The following TNFRSF8 variants were observed in gnomAD, a reference collection of about 807,000 sequenced individuals.
The protein encoded by TNFRSF8 is TNF receptor superfamily member 8.
TNFRSF8 carries 26 observed loss-of-function variants against 70.8 expected under a neutral mutation model. That is an observed-to-expected ratio of 0.37 (90% confidence interval 0.27 to 0.51). The LOEUF (loss-of-function observed/expected upper bound fraction) is 0.51. Among genes scored for constraint, TNFRSF8 ranks in the 20% least tolerant of loss-of-function variants. TNFRSF8 has a pLI of 0.94. For missense variants in TNFRSF8, 720 were observed against 807.9 expected (o/e 0.89, Z 1.32); for synonymous variants, 356 against 339.2 (o/e 1.05, Z -0.54).
At chr1:12,127,458 C>T (rs1188505052) in intron 12 of TNFRSF8, among the ~76,000 whole-genome samples, 1 of 152,246 alleles carries the variant, frequency 6.6e-6, no homozygotes, top group Non-Finnish European at 1.5e-5. Context: ...TCCCCTCTTC[C>T]TTCCCCCTGC....
At chr1:12,100,626 G>A (rs1473977186) in intron 3 of TNFRSF8, among the ~76,000 whole-genome samples, 1 of 152,084 alleles carries the variant, frequency 6.6e-6, no homozygotes, top group Non-Finnish European at 1.5e-5. Flanking sequence ...CCTACACAGA[G>A]TCAGGATCAT....
intron 1 of TNFRSF8, among the ~76,000 whole-genome samples, chr1:12,076,082 T>G (rs1007801122): frequency 4.1e-5 from 5 of 122,870 alleles, no homozygotes; most frequent in Non-Finnish European, 8.5e-5. Context: ...TTCTTGGTTT[T>G]ATTCTTTTTT....
intron 1 of TNFRSF8, among the ~76,000 whole-genome samples, chr1:12,067,860 A>G (rs1640768715): frequency 8.2e-6 from 1 of 122,008 alleles, no homozygotes; most frequent in Non-Finnish European, 1.6e-5. Context: ...GGACATTTCC[A>G]GGGCTGCTCA....
At chr1:12,127,637 C>T (rs574995424) in intron 12 of TNFRSF8, among the ~76,000 whole-genome samples, 72 of 152,328 alleles carry the variant, frequency 4.7e-4, no homozygotes, top group Non-Finnish European at 7.6e-4. Flanking sequence ...TTGAATTTGA[C>T]GAGTTTCACA....
Position 12,138,330 on chromosome 1 carries a change from C to A in TNFRSF8, c.1437C>A (p.Tyr479Ter). Residue 479 changes from tyrosine to a stop codon, truncating the protein, a stop_gained, in exon 14 of 15, where the codon TAC (tyrosine) becomes TAA (stop). Transcript: ENST00000263932. LOFTEE classifies it high-confidence loss of function. The surrounding 1 kb of genome is among the most constrained non-coding windows in gnomAD (Gnocchi z 5.7). Reference sequence around the variant, plus strand: ...CCTGCCACAGCGTGGGGGCAGCCTACCTGGAGAGCCTGCCGCTGCAGGATG... The same window carrying A: ...CCTGCCACAGCGTGGGGGCAGCCTAACTGGAGAGCCTGCCGCTGCAGGATG... ...METCHSVGAA[Y>*]LESLPLQDAS... 1 of 1,613,738 alleles carries A rather than the reference C, an allele frequency of 6.2e-7. No individual in the cohort carries two copies. Among genetic ancestry groups the A allele is most frequent in the Non-Finnish European group, 8.5e-7 (1 of 1,179,948 alleles).
At chr1:12,120,002 T>C (rs1040734843) in intron 8 of TNFRSF8, among the ~76,000 whole-genome samples, 1 of 152,168 alleles carries the variant, frequency 6.6e-6, no homozygotes, top group African/African-American at 2.4e-5. Flanking sequence ...GTACTTCCAC[T>C]GGAAGACACC....
intron 1 of TNFRSF8, chr1:12,077,893 C>T (rs1159724031): frequency 6.6e-6 from 1 of 151,300 alleles, no homozygotes; most frequent in Non-Finnish European, 1.5e-5. Context: ...AAATATGGAC[C>T]GTTTCATGAA....
intron 3 of TNFRSF8, among the ~76,000 whole-genome samples, chr1:12,099,828 A>T (rs1641388970): frequency 6.6e-6 from 1 of 152,074 alleles, no homozygotes; most frequent in South Asian, 2.1e-4. Context: ...GGCAGCTGTG[A>T]CACAATGTGA....
chr1:12,084,695 T>C (rs917994708), intron 2 of TNFRSF8, 144 bp downstream of exon 2: 25 of 768,362 alleles, frequency 3.3e-5, no homozygotes, highest in Non-Finnish European at 5.0e-5. Flanking sequence ...ATTCCTAGTG[T>C]CGCGGAGTCC....
In TNFRSF8 at chr1:12,112,058, A is replaced by G; in HGVS notation, c.793+44A>G. ...CCCGGGCCTCAGTTTACCTCTCTGC[A>G]TTTTTGAACCGTGAACTTCCAGTAA... On this transcript the variant is annotated intron_variant, in intron 7 of 14. Coordinates refer to ENST00000263932, the MANE Select transcript of TNFRSF8 (RefSeq NM_001243.5). This position sits in a 1 kb window ranked among gnomAD's most constrained non-coding sequence, Gnocchi z 5.3. 6.8e-7 allele frequency: 1 copy of G among 1,473,046 alleles called. No individual in the cohort carries two copies. Among genetic ancestry groups the G allele is most frequent in the African/African-American group, 1.4e-5 (1 of 71,540 alleles). 91.2% of individuals were successfully genotyped at this position (1,473,046 alleles called of 1,614,324 possible). A position where few individuals can be genotyped will look rare whatever the true frequency, so the allele number is the denominator to read the frequency against.
At chr1:12,081,020 G>A (rs193057013) in intron 1 of TNFRSF8, among the ~76,000 whole-genome samples, 1 of 152,304 alleles carries the variant, frequency 6.6e-6, no homozygotes. Flanking sequence ...GTAACATGGG[G>A]TAGTGATCTG....
In TNFRSF8 at chr1:12,141,916, G is replaced by T. The variant is rs1642260404; in HGVS notation, c.1544-371G>T. Among the ~76,000 whole-genome samples the T allele has an allele frequency of 6.6e-6, 1 of 152,164 alleles. No homozygotes were observed. Among genetic ancestry groups the T allele is most frequent in the Non-Finnish European group, 1.5e-5 (1 of 68,014 alleles). On this transcript the variant is annotated intron_variant, in intron 14 of 14. Coordinates refer to ENST00000263932, the MANE Select transcript of TNFRSF8 (RefSeq NM_001243.5). The surrounding 1 kb of genome is among the most constrained non-coding windows in gnomAD (Gnocchi z 5.4). ...GCAGGAGGGCTGGGGACCCAGGAGT[G>T]GGGGTGTGGAAACTGCTCAGCTCTG...
At chr1:12,064,699 G>A (rs931180524) in intron 1 of TNFRSF8, among the ~76,000 whole-genome samples, 1 of 152,166 alleles carries the variant, frequency 6.6e-6, no homozygotes, top group African/African-American at 2.4e-5. Context: ...TAGGCAGGAG[G>A]GAGGAACTAT....
chr1:12,070,146 G>T (rs1367398308), intron 1 of TNFRSF8, among the ~76,000 whole-genome samples: 1 of 27,576 alleles, frequency 3.6e-5, no homozygotes, highest in Non-Finnish European at 6.4e-5. Flanking sequence ...TGTCTGCTGT[G>T]GGGGGCTGGG....
Position 12,144,010 on chromosome 1 carries a change from G to A in TNFRSF8, c.*1479G>A, listed in dbSNP as rs183161978. The A allele has an allele frequency of 1.1e-4, 17 of 152,386 alleles. No individual in the cohort carries two copies. The East Asian group carries it at 3.1e-3, about 28-fold the overall frequency. 9.4% of individuals were successfully genotyped at this position (152,386 alleles called of 1,614,324 possible). A position where few individuals can be genotyped will look rare whatever the true frequency, so the allele number is the denominator to read the frequency against. ...GTTTGCCCAGTGTTTGTGCAAGGAT[G>A]GAGTGGGTGTCTCTGCATCACCCAC... On this transcript the variant is annotated 3_prime_UTR_variant, in exon 15 of 15. Transcript: ENST00000263932.
At chr1:12,066,516 G>C (rs975680422) in intron 1 of TNFRSF8, among the ~76,000 whole-genome samples, 1 of 152,012 alleles carries the variant, frequency 6.6e-6, no homozygotes. Context: ...ATCATGCCTG[G>C]CTAATTTTTG....
intron 2 of TNFRSF8, among the ~76,000 whole-genome samples, chr1:12,096,736 T>C (rs1190492663): frequency 6.6e-6 from 1 of 152,066 alleles, no homozygotes; most frequent in Non-Finnish European, 1.5e-5. Flanking sequence ...CACTAGGAGG[T>C]GGGTCCTATT....
At chr1:12,064,242 T>A (rs893377126) in intron 1 of TNFRSF8, among the ~76,000 whole-genome samples, 2 of 152,154 alleles carry the variant, frequency 1.3e-5, no homozygotes, top group African/African-American at 4.8e-5. Context: ...TTGAATTCGC[T>A]GGAGCACGTG....
chr1:12,064,067 C>T (rs1365999824), intron 1 of TNFRSF8, among the ~76,000 whole-genome samples: 2 of 152,192 alleles, frequency 1.3e-5, no homozygotes, highest in African/African-American at 4.8e-5. Flanking sequence ...CGTCCGCGCT[C>T]TACCCTGTTG....
Sources: allele counts gnomAD v4.1 joint callset (sites outside exome capture counted in the v4.1 genomes callset), GRCh38; gene constraint gnomAD v4.1.1; non-coding constraint Gnocchi (gnomAD v3.1); transcripts MANE v1.5; gene names NCBI Gene and HGNC (gene_info 2026-07-23, HGNC 2026-07-21).